Variants in GLRA2 observed in about 807,000 individuals in gnomAD.
The protein encoded by GLRA2 is glycine receptor alpha 2.
A neutral mutation model predicts 31.6 loss-of-function variants in GLRA2; 11 were observed. That is an observed-to-expected ratio of 0.35 (90% CI 0.22 to 0.58). GLRA2 has a LOEUF of 0.58. GLRA2 is among the 20% of genes least tolerant of loss of function. The probability of loss-of-function intolerance (pLI) is 0.84; values close to 1 mark genes in which losing one functional copy is unlikely to be tolerated. For synonymous variants in GLRA2, 132 were observed against 134.0 expected (o/e 0.99, Z 0.10); for missense variants, 212 against 351.8 (o/e 0.60, Z 3.18).
At chrX:14,666,075 G>C (rs1038927601) in intron 7 of GLRA2, among the ~76,000 whole-genome samples, 1 of 110,187 alleles carries the variant, frequency 9.1e-6, no homozygotes, top group East Asian at 2.8e-4. Context: ...TGTTCACAGT[G>C]ACAATGTGCT....
At chrX:14,488,522 A>G in the GLRA2 span, among the ~76,000 whole-genome samples, 2 of 112,231 alleles carry the variant, frequency 1.8e-5, no homozygotes, top group Non-Finnish European at 3.8e-5. Flanking sequence ...ACATCAAGTC[A>G]CTTTCCATCC....
intron 7 of GLRA2, among the ~76,000 whole-genome samples, chrX:14,684,663 T>C (rs1417139328): frequency 3.6e-5 from 4 of 112,011 alleles, no homozygotes; most frequent in Non-Finnish European, 3.8e-5. Flanking sequence ...GCACATTGAT[T>C]TTGTATCCTG....
At chrX:14,641,175 CTTTT>C (rs920274538) in intron 7 of GLRA2, among the ~76,000 whole-genome samples, 2 of 111,460 alleles carry the variant, frequency 1.8e-5, no homozygotes, top group African/African-American at 6.5e-5. Flanking sequence ...TAGTTGTCTT[CTTTT>C]GTGAAGTGCT....
chrX:14,581,485 T>G (rs1202601681), intron 4 of GLRA2, 79 bp downstream of exon 4: 1 of 559,788 alleles, frequency 1.8e-6, no homozygotes, highest in Non-Finnish European at 3.0e-6. Flanking sequence ...CAGGGTAGGA[T>G]GTATATGAAT....
the GLRA2 span, among the ~76,000 whole-genome samples, chrX:14,503,361 C>T: frequency 2.7e-5 from 3 of 111,074 alleles, no homozygotes; most frequent in Non-Finnish European, 5.7e-5. Flanking sequence ...TATCTGCCTC[C>T]TGAAGGAGCT....
chrX:14,549,980 G>C (rs1265541208), intron 2 of GLRA2, among the ~76,000 whole-genome samples: 1 of 110,950 alleles, frequency 9.0e-6, no homozygotes, highest in Non-Finnish European at 1.9e-5. Flanking sequence ...TAAGGGAAGA[G>C]GGAGTTTTGC....
At chrX:14,545,754 C>G (rs1020626236) in intron 2 of GLRA2, among the ~76,000 whole-genome samples, 14 of 111,414 alleles carry the variant, frequency 1.3e-4, no homozygotes, top group African/African-American at 4.6e-4. Flanking sequence ...TTCCAAGGGA[C>G]AGACGGTGTC....
chrX:14,681,746 G>T (rs1471358500), intron 7 of GLRA2, among the ~76,000 whole-genome samples: 1 of 104,093 alleles, frequency 9.6e-6, no homozygotes, highest in East Asian at 2.9e-4. Context: ...ACAAAAGTTA[G>T]CCAGGTGTGG....
chrX:14,451,241 C>T, the GLRA2 span, among the ~76,000 whole-genome samples: 1 of 111,321 alleles, frequency 9.0e-6, no homozygotes, highest in East Asian at 2.8e-4. Flanking sequence ...ACAATCATGA[C>T]TATAAAGCAA....
intron 2 of GLRA2, among the ~76,000 whole-genome samples, chrX:14,560,038 A>G (rs1471151021): frequency 1.8e-5 from 2 of 111,836 alleles, no homozygotes; most frequent in Admixed American, 9.5e-5. Flanking sequence ...ACTCATGTTC[A>G]GATATCAAGG....
intron 7 of GLRA2, among the ~76,000 whole-genome samples, chrX:14,621,046 G>T (rs946087549): frequency 2.7e-5 from 3 of 111,535 alleles, no homozygotes; most frequent in African/African-American, 9.8e-5. Context: ...TTTGGAGAAG[G>T]CCATATGTTT....
chrX:14,560,614 A>G (rs1380410158), intron 2 of GLRA2, among the ~76,000 whole-genome samples: 1 of 110,168 alleles, frequency 9.1e-6, no homozygotes, highest in African/African-American at 3.3e-5. Context: ...GTTCAAGACC[A>G]GCCTGGGCAA....
At chrX:14,553,607 C>T (rs752696263) in intron 2 of GLRA2, among the ~76,000 whole-genome samples, 2 of 111,586 alleles carry the variant, frequency 1.8e-5, no homozygotes, top group Admixed American at 1.9e-4. Flanking sequence ...TATCCCCGGT[C>T]CCTTACCACA....
chrX:14,586,302 C>T (rs1261649822), intron 4 of GLRA2, among the ~76,000 whole-genome samples: 1 of 112,052 alleles, frequency 8.9e-6, no homozygotes, highest in Non-Finnish European at 1.9e-5. Context: ...AACCTTTTAT[C>T]CAGTGATGTA....
chrX:14,651,156 T>G, intron 7 of GLRA2, among the ~76,000 whole-genome samples: 1 of 112,043 alleles, frequency 8.9e-6, no homozygotes. Context: ...TTTTTACTCT[T>G]TTGTTGAATG....
intron 7 of GLRA2, among the ~76,000 whole-genome samples, chrX:14,681,891 C>CAAA (rs1157722406): frequency 7.5e-5 from 2 of 26,673 alleles, no homozygotes; most frequent in Non-Finnish European, 1.6e-4. Flanking sequence ...GACACCATCT[C>CAAA]AAAAAAAAAA....
intron 8 of GLRA2, among the ~76,000 whole-genome samples, chrX:14,709,155 G>T (rs2091676597): frequency 9.0e-6 from 1 of 111,066 alleles, no homozygotes; most frequent in Admixed American, 9.6e-5. Context: ...GGATCACGTA[G>T]GCCAGCAGTT....
At chrX:14,706,694 T>G (rs1216700053) in intron 8 of GLRA2, among the ~76,000 whole-genome samples, 1 of 111,814 alleles carries the variant, frequency 8.9e-6, no homozygotes, top group Non-Finnish European at 1.9e-5. Flanking sequence ...CTCAGCTCTG[T>G]GTTCACATAC....
chrX:14,614,710 T>C (rs768847970), intron 7 of GLRA2, among the ~76,000 whole-genome samples: 9 of 111,941 alleles, frequency 8.0e-5, no homozygotes, highest in Non-Finnish European at 1.5e-4. Context: ...AAAACCCAAA[T>C]ACTAAAGACA....
Sources: gnomAD v4.1 joint callset for allele counts (sites outside exome capture counted in the v4.1 genomes callset) on GRCh38, gnomAD v4.1.1 for gene constraint, MANE v1.5 for transcripts, NCBI Gene and HGNC (gene_info 2026-07-23, HGNC 2026-07-21) for gene names.